TTN: variants seen among roughly 807,000 people sequenced by gnomAD.
TTN encodes the protein titin.
A neutral mutation model predicts 3,223.0 loss-of-function variants in TTN; 1,525 were observed. The observed-to-expected ratio is 0.47, with a 90% CI of 0.45 to 0.49. The LOEUF is 0.49. TTN is among the 20% of genes least tolerant of loss of function. TTN has a pLI of 0.00. For synonymous variants in TTN, 14,094 were observed against 15,161.0 expected, an observed-to-expected ratio of 0.93 and a Z score of 5.17; for missense variants, 40,786 against 43,424.0, an observed-to-expected ratio of 0.94 and a Z score of 5.40.
intron 111 of TTN, among the ~76,000 whole-genome samples, chr2:178,699,722 AAT>A (rs2074566337): frequency 2.1e-5 from 1 of 48,098 alleles, no homozygotes; most frequent in Admixed American, 2.4e-4. Flanking sequence ...ACTCTTTTTT[AAT>A]TTTTTTTTTT....
intron 42 of TTN, 112 bp from the exon 43 acceptor site, chr2:178,764,414 G>C: frequency 6.2e-7 from 1 of 1,609,212 alleles, no homozygotes; most frequent in Non-Finnish European, 8.5e-7. Context: ...TTTCAAAGTT[G>C]GGTAGCAATC....
Position 178,769,939 on chromosome 2 carries a change from G to A in TTN, c.8642C>T (p.Thr2881Ile), listed in dbSNP as rs2154342587. 1 of 1,614,084 alleles carries A rather than the reference G, an allele frequency of 6.2e-7. No homozygotes were observed. ...LECKAKLFVE[T>I]LHITKTMKNI... ...TTTCATGGTTTTTGTAATATGTAAT[G>A]CTTGGTAAAATCAAAGAGCACTTCA... The change falls in exon 37 of 363, where the codon ACA (threonine) becomes ATA (isoleucine). Residue 2881 changes from threonine (T) to isoleucine (I), a missense_variant and splice_region_variant. Physicochemically the swap from Thr to Ile is moderately conservative, Grantham distance 89. Coordinates refer to ENST00000589042, the MANE Select transcript of TTN (RefSeq NM_001267550.2).
chr2:178,593,301 T>C lies in TTN; in HGVS notation c.58907A>G (p.Tyr19636Cys). 1 of 1,613,386 alleles carries C rather than the reference T, an allele frequency of 6.2e-7. No homozygotes were observed. The highest frequency in any genetic ancestry group is 8.5e-7 in the Non-Finnish European group (1 of 1,179,542). Residue 19636 changes from tyrosine (Y) to cysteine (C), a missense_variant, in exon 299 of 363, where the codon TAC becomes TGC. Tyr to Cys is a radical substitution (Grantham distance 194, BLOSUM62 -2). Transcript: ENST00000589042. ...ARVTKDPIHPYTKFRVPDLLE... is the reference protein window; with the variant it reads ...ARVTKDPIHPCTKFRVPDLLE... ...AAGATCAGGAACCCTAAATTTAGTGTATGGATGAATAGGATCTTTGGTAAC... is the reference window on the plus strand; with the variant it reads ...AAGATCAGGAACCCTAAATTTAGTGCATGGATGAATAGGATCTTTGGTAAC...
chr2:178,559,281 A>G (rs745487280), intron 326 of TTN, 30 bp downstream of exon 326: 10 of 1,525,502 alleles, frequency 6.6e-6, no homozygotes, highest in Non-Finnish European at 8.8e-6. Flanking sequence ...TAACGTGGAT[A>G]TGTAGAATTT....
At position 178,593,574 on chromosome 2, in the gene TTN, G is replaced by T. The variant is rs779755661; in HGVS notation, c.58726C>A (p.Arg19576Ser). Residue 19576 changes from arginine to serine, a missense_variant, in exon 298 of 363, where the codon CGT becomes AGT. Physicochemically the swap from Arg to Ser is moderately radical, Grantham distance 110. Transcript: ENST00000589042. ...LVSDSMKAKDRFRVPDAPDQP... is the reference protein window; with the variant it reads ...LVSDSMKAKDSFRVPDAPDQP... ...AAAGAAACATAATGCATACTGAAAC[G>T]ATCTTTGGCTTTCATTGAATCAGAC... is the stretch of plus-strand genomic sequence containing the variant. 1.2e-6 allele frequency: 2 copies of T among 1,611,388 alleles called. No individual in the cohort carries two copies. The highest frequency in any genetic ancestry group is 1.3e-5 in the African/African-American group (1 of 74,838).
rs372661193 is a variant in TTN at position 178,584,489 on chromosome 2, C to G, written c.65062G>C (p.Gly21688Arg). 1.9e-5 allele frequency: 31 copies of G among 1,613,152 alleles called. No homozygotes were observed. Among genetic ancestry groups the G allele is most frequent in the Non-Finnish European group, 2.1e-5 (25 of 1,179,552 alleles). The change falls in exon 311 of 363, where the codon GGG becomes CGG. Residue 21688 changes from glycine to arginine, a missense_variant. Coordinates refer to ENST00000589042, the MANE Select transcript of TTN (RefSeq NM_001267550.2). Reference sequence around the variant, plus strand: ...ATCAGATAACCAATAATGGGGCTCCCTCCATCACTATCTGGTCTGTCCCAA... The same window carrying G: ...ATCAGATAACCAATAATGGGGCTCCGTCCATCACTATCTGGTCTGTCCCAA... ...VAWDRPDSDGGSPIIGYLIER... is the reference protein window; with the variant it reads ...VAWDRPDSDGRSPIIGYLIER...
chr2:178,619,595 G>A (rs2057963592), intron 250 of TTN, 26 bp downstream of exon 250: 2 of 1,602,672 alleles, frequency 1.2e-6, no homozygotes, highest in African/African-American at 1.4e-5. Flanking sequence ...GATATTGGAA[G>A]GATATTTTAA....
At position 178,594,057 on chromosome 2, in the gene TTN, T is replaced by C; in HGVS notation, c.58336A>G (p.Lys19446Glu). 6.2e-7 allele frequency: 1 copy of C among 1,613,550 alleles called. No individual in the cohort carries two copies. The highest frequency in any genetic ancestry group is 8.5e-7 in the Non-Finnish European group (1 of 1,179,670). ...KTTPATLALE[K>E]IKAKRSDSGK... Reference sequence around the variant, plus strand: ...GAATCTGAACGTTTGGCCTTGATCTTCTCTAAAGCAAGTGTTGCTGGTGTA... The same window carrying C: ...GAATCTGAACGTTTGGCCTTGATCTCCTCTAAAGCAAGTGTTGCTGGTGTA... The change falls in exon 297 of 363, where the codon AAG becomes GAG. Residue 19446 changes from lysine (K) to glutamate (E), a missense_variant. Lys to Glu is a moderately conservative substitution (Grantham distance 56, BLOSUM62 1). Transcript: ENST00000589042.
rs756434866 is a variant in TTN at position 178,704,167 on chromosome 2, G to A, written c.30203C>T (p.Ser10068Leu). The A allele has an allele frequency of 1.9e-6, 3 of 1,613,902 alleles. No homozygotes were observed. The highest frequency in any genetic ancestry group is 2.5e-6 in the Non-Finnish European group (3 of 1,179,868). ...YTCKYEDLET[S>L]AELRIEAEPI... is the part of the protein sequence containing the mutation. ...CGCACCTTCGATTCTGAGTTCTGCT[G>A]AAGTTTCAAGGTCTTCATATTTGCA... The change falls in exon 106 of 363, where the codon TCA (serine) becomes TTA (leucine). Residue 10068 changes from serine to leucine, a missense_variant. Ser to Leu is a moderately radical substitution (Grantham distance 145). Transcript: ENST00000589042.
At chr2:178,707,092 G>T (rs760053798) in intron 100 of TTN, 138 bp from the exon 101 acceptor site, 38 of 720,552 alleles carry the variant, frequency 5.3e-5, no homozygotes, top group Non-Finnish European at 7.2e-5. Flanking sequence ...GTAAGGGTGG[G>T]TTACAGAAGA....
chr2:178,725,153 G>A, intron 71 of TTN: 1 of 446,152 alleles, frequency 2.2e-6, no homozygotes, highest in South Asian at 9.4e-5. Context: ...TAGACAGGTA[G>A]TTATTAAACA....
Position 178,563,593 on chromosome 2 carries a change from GCCTT to G in TTN, c.82535_82538del (p.Glu27512AlafsTer12). On this transcript the variant is annotated frameshift_variant, in exon 326 of 363. Transcript: ENST00000589042. LOFTEE classifies it high-confidence loss of function. The surrounding 1 kb of genome is among the most constrained non-coding windows in gnomAD (Gnocchi z 4.5). ...TCTTGTTGCACTTGGTCCATCTAAC[GCCTT>G]CCTTATCTCGTTTTTCAAGAATGTA... is the stretch of plus-strand genomic sequence containing the variant. 1.9e-6 allele frequency: 3 copies of G among 1,613,684 alleles called. No individual in the cohort carries two copies. The highest frequency in any genetic ancestry group is 2.5e-6 in the Non-Finnish European group (3 of 1,179,750).
At position 178,550,268 on chromosome 2, in the gene TTN, G is replaced by A. The variant is rs199930508; in HGVS notation, c.91570C>T (p.Pro30524Ser). The change falls in exon 337 of 363, where the codon CCA becomes TCA. Residue 30524 changes from proline to serine, a missense_variant. By Grantham distance (74) the Pro-to-Ser change is moderately conservative. Coordinates refer to ENST00000589042, the MANE Select transcript of TTN (RefSeq NM_001267550.2). ...TATTCAGGGCCAAACTCTACTATTG[G>A]TGGAACTATAAAAGAAAGAGAAATA... The part of the protein sequence containing the change: ...IIMTRDENVP[P>S]IVEFGPEYFD... 22 of 1,605,356 alleles carry A rather than the reference G, an allele frequency of 1.4e-5. No individual in the cohort carries two copies. The Admixed American group carries it at 2.5e-4, about 19-fold the overall frequency.
In TTN at chr2:178,669,374, G is replaced by A. The variant is rs1254082694; in HGVS notation, c.35544C>T (p.Tyr11848=). Residue 11848 remains tyrosine (Y), a splice_region_variant and synonymous_variant, in exon 159 of 363, where the codon TAC becomes TAT. Coordinates refer to ENST00000589042, the MANE Select transcript of TTN (RefSeq NM_001267550.2). ...AACCACTAATTTTTCTACACTCACT[G>A]TACATCTCTGTGTCTTCAGAAATAA... The part of the protein sequence containing the change: ...PIVISEDTEM[Y]IYEASEEAVL... 5 of 1,523,336 alleles carry A rather than the reference G, an allele frequency of 3.3e-6. No individual in the cohort carries two copies. The highest frequency in any genetic ancestry group is 2.2e-5 in the Admixed American group (1 of 46,050). The allele number at this position is 1,523,336 out of a possible 1,614,324, so 94.4% of individuals were successfully genotyped here. A position where few individuals can be genotyped will look rare whatever the true frequency, so the allele number is the denominator to read the frequency against.
At chr2:178,702,345 A>G in intron 107 of TTN, 100 bp from the exon 108 acceptor site, 1 of 1,604,998 alleles carries the variant, frequency 6.2e-7, no homozygotes. Context: ...TGTCTTTTCT[A>G]AAAAAGCATT....
intron 282 of TTN, 57 bp downstream of exon 282, chr2:178,603,819 T>C (rs1358781960): frequency 4.1e-6 from 6 of 1,451,572 alleles, no homozygotes; most frequent in Non-Finnish European, 5.5e-6. Flanking sequence ...GGCAGAATTA[T>C]CCATTTAGTG....
intron 313 of TTN, 106 bp downstream of exon 313, chr2:178,582,834 A>G: frequency 9.3e-7 from 1 of 1,071,196 alleles, no homozygotes; most frequent in Non-Finnish European, 1.3e-6. Flanking sequence ...TGCATAGGAA[A>G]TACACATTAG....
intron 44 of TTN, 196 bp downstream of exon 44, chr2:178,758,788 G>GTGA (rs2088103332): frequency 1.6e-6 from 1 of 627,910 alleles, no homozygotes; most frequent in Admixed American, 2.6e-5. Flanking sequence ...CAAATGAAAC[G>GTGA]TGATGGTCTA....
chr2:178,583,132 G>T lies in TTN; in HGVS notation c.65671C>A (p.Pro21891Thr), dbSNP rs1446139113. The T allele has an allele frequency of 1.4e-5, 22 of 1,612,168 alleles. No homozygotes were observed. The highest frequency in any genetic ancestry group is 2.7e-5 in the African/African-American group (2 of 74,806). The change falls in exon 313 of 363, where the codon CCG (proline) becomes ACG (threonine). Residue 21891 changes from proline to threonine, a missense_variant. Coordinates refer to ENST00000589042, the MANE Select transcript of TTN (RefSeq NM_001267550.2). ...VCLDATVFGKPMPTVSWKKDG... is the reference protein window; with the variant it reads ...VCLDATVFGKTMPTVSWKKDG... Reference sequence around the variant, plus strand: ...TTTTTCCAAGAAACTGTTGGCATCGGTTTACCAAAAACAGTAGCATCCAAG... The same window carrying T: ...TTTTTCCAAGAAACTGTTGGCATCGTTTTACCAAAAACAGTAGCATCCAAG...
Sources: allele counts gnomAD v4.1 joint callset (sites outside exome capture counted in the v4.1 genomes callset), GRCh38; gene constraint gnomAD v4.1.1; non-coding constraint Gnocchi (gnomAD v3.1); transcripts MANE v1.5; gene names NCBI Gene and HGNC (gene_info 2026-07-23, HGNC 2026-07-21).